The following KIAA1217 variants were observed in gnomAD, a reference collection of about 807,000 sequenced individuals.
KIAA1217 encodes the protein KIAA1217.
In KIAA1217, 88 loss-of-function variants were observed where a neutral mutation model predicts 163.9. The ratio of observed to expected loss-of-function variants is 0.54; its 90% CI spans 0.45 to 0.64. KIAA1217 has a LOEUF of 0.64. KIAA1217 is among the 30% of genes least tolerant of loss of function. KIAA1217 has a pLI of 0.00. For missense variants in KIAA1217, 2,372 were observed against 2,475.0 expected, an observed-to-expected ratio of 0.96 and a Z score of 0.88; for synonymous variants, 903 against 923.1, an observed-to-expected ratio of 0.98 and a Z score of 0.39.
chr10:23,861,965 A>G (rs1839973580), intron 1 of KIAA1217, among the ~76,000 whole-genome samples: 1 of 152,246 alleles, frequency 6.6e-6, no homozygotes, highest in Non-Finnish European at 1.5e-5. Flanking sequence ...GCAATTTGTT[A>G]TGACAGCAAT....
At chr10:23,719,511 G>A (rs909439692) in intron 1 of KIAA1217, among the ~76,000 whole-genome samples, 2 of 151,872 alleles carry the variant, frequency 1.3e-5, no homozygotes, top group East Asian at 1.9e-4. Context: ...AGTCCAGGAG[G>A]TCATGGCTGC....
chr10:23,824,408 C>T (rs192693997), intron 1 of KIAA1217, among the ~76,000 whole-genome samples: 2,042 of 150,978 alleles, frequency 0.014, 48 homozygotes, highest in African/African-American at 0.047. Flanking sequence ...GGTGGGCAGA[C>T]GATGAGGTCA....
chr10:23,806,154 G>C (rs1319272163), intron 1 of KIAA1217, among the ~76,000 whole-genome samples: 1 of 152,062 alleles, frequency 6.6e-6, no homozygotes, highest in Non-Finnish European at 1.5e-5. Context: ...TAGATATTGA[G>C]GGATGTGTGT....
intron 2 of KIAA1217, among the ~76,000 whole-genome samples, chr10:24,261,043 A>G (rs1311129656): frequency 6.6e-6 from 1 of 152,162 alleles, no homozygotes; most frequent in Admixed American, 6.5e-5. Context: ...ACTGAATGTC[A>G]ATTCTAGGTA....
At chr10:24,517,976 C>G (rs1180013186) in intron 10 of KIAA1217, among the ~76,000 whole-genome samples, 2 of 152,116 alleles carry the variant, frequency 1.3e-5, no homozygotes, top group African/African-American at 4.8e-5. Flanking sequence ...GCCTGGGTGA[C>G]AGAGAGAGAC....
intron 8 of KIAA1217, among the ~76,000 whole-genome samples, chr10:24,497,348 A>G (rs981627160): frequency 6.6e-6 from 1 of 152,188 alleles, no homozygotes; most frequent in Non-Finnish European, 1.5e-5. Context: ...ACAAAACCCT[A>G]TAAGGAAGAT....
intron 6 of KIAA1217, among the ~76,000 whole-genome samples, chr10:24,474,997 T>A (rs1300576946): frequency 3.3e-5 from 5 of 152,200 alleles, no homozygotes; most frequent in African/African-American, 4.8e-5. Flanking sequence ...GGCAGGTGGA[T>A]CACCTGAGCT....
chr10:24,173,368 T>C (rs1463406936), intron 2 of KIAA1217, among the ~76,000 whole-genome samples: 1 of 152,134 alleles, frequency 6.6e-6, no homozygotes, highest in Non-Finnish European at 1.5e-5. Context: ...AATGTAATAA[T>C]AATAGAAATA....
rs530893452 is a variant in KIAA1217 at position 23,806,230 on chromosome 10, G to A, written c.-321+110996G>A. Among the ~76,000 whole-genome samples, 48 of 152,100 alleles carry A rather than the reference G, an allele frequency of 3.2e-4. No homozygotes were observed. The East Asian group carries it at 6.8e-3, about 22-fold the overall frequency. ...AAAGATTGGTTGAGGAGAATGTTCC[G>A]CCGTTGCTGAGTTTATTCCATTATT... On this transcript the variant is annotated intron_variant, in intron 1 of 18. Coordinates refer to the KIAA1217 transcript ENST00000376462.
At chr10:24,163,955 G>T (rs1210281944) in intron 2 of KIAA1217, among the ~76,000 whole-genome samples, 2 of 152,176 alleles carry the variant, frequency 1.3e-5, no homozygotes, top group African/African-American at 4.8e-5. Context: ...ATGTTGCCCA[G>T]AAGTTTGAGT....
At chr10:24,365,350 C>T (rs568060185) in intron 2 of KIAA1217, among the ~76,000 whole-genome samples, 1 of 152,054 alleles carries the variant, frequency 6.6e-6, no homozygotes, top group Non-Finnish European at 1.5e-5. Context: ...GTTCTCCTCC[C>T]GCAGCCGGTG....
intron 2 of KIAA1217, among the ~76,000 whole-genome samples, chr10:24,188,483 T>G (rs1476770160): frequency 6.6e-6 from 1 of 152,176 alleles, no homozygotes; most frequent in Non-Finnish European, 1.5e-5. Flanking sequence ...CTCTAGCCTG[T>G]GGCACAGTAT....
At chr10:24,334,438 T>TGGAAGGAAGGAAGGAAGGAAGGAAGGAA (rs60016533) in intron 2 of KIAA1217, among the ~76,000 whole-genome samples, 1 of 82,202 alleles carries the variant, frequency 1.2e-5, no homozygotes, top group Non-Finnish European at 2.9e-5. Context: ...GAGGGAAGGA[T>TGGAAGGAAGGAAGGAAGGAAGGAAGGAA]GGAAGGAAGG....
intron 2 of KIAA1217, among the ~76,000 whole-genome samples, chr10:24,111,558 A>G (rs2062845864): frequency 6.6e-6 from 1 of 152,118 alleles, no homozygotes; most frequent in South Asian, 2.1e-4. Flanking sequence ...ATGTTTTTTG[A>G]TTTGTGAAAT....
intron 2 of KIAA1217, among the ~76,000 whole-genome samples, chr10:24,297,444 G>A: frequency 6.6e-6 from 1 of 152,160 alleles, no homozygotes. Flanking sequence ...CCATCTCAAT[G>A]ATCATAAAGA....
chr10:24,311,220 CAT>C (rs767319256), intron 2 of KIAA1217, among the ~76,000 whole-genome samples: 4 of 152,118 alleles, frequency 2.6e-5, no homozygotes, highest in Non-Finnish European at 5.9e-5. Context: ...CAGGATCGGA[CAT>C]GTGTTAGTTC....
intron 2 of KIAA1217, among the ~76,000 whole-genome samples, chr10:24,165,325 C>G (rs143735934): frequency 1.3e-5 from 2 of 152,306 alleles, no homozygotes; most frequent in African/African-American, 4.8e-5. Flanking sequence ...CTCTCACCTC[C>G]AGGAACTGTC....
upstream of KIAA1217, among the ~76,000 whole-genome samples, chr10:24,208,577 T>C (rs560658579): frequency 8.1e-4 from 122 of 151,412 alleles, no homozygotes; most frequent in Non-Finnish European, 1.5e-3. Context: ...CTTACAACAC[T>C]CAGCATATAC....
intron 1 of KIAA1217, among the ~76,000 whole-genome samples, chr10:23,816,359 C>T (rs1176743176): frequency 6.6e-6 from 1 of 152,146 alleles, no homozygotes; most frequent in African/African-American, 2.4e-5. Context: ...GTGGTGCTAT[C>T]TCGGCTCACT....
Sources: gnomAD v4.1 joint callset for allele counts (sites outside exome capture counted in the v4.1 genomes callset) on GRCh38, gnomAD v4.1.1 for gene constraint, MANE v1.5 for transcripts, NCBI Gene and HGNC (gene_info 2026-07-23, HGNC 2026-07-21) for gene names.